Variants in DCDC2C observed in about 807,000 individuals in gnomAD.
DCDC2C encodes doublecortin domain-containing protein 2C.
In DCDC2C, 44 loss-of-function variants were observed where a neutral mutation model predicts 45.0. The observed-to-expected ratio is 0.98, with a 90% CI of 0.77 to 1.26. DCDC2C has a LOEUF of 1.26. DCDC2C is among the 50% of genes most tolerant of loss of function. The probability of loss-of-function intolerance (pLI) is 0.00; values close to 1 mark genes in which losing one functional copy is unlikely to be tolerated. For synonymous variants in DCDC2C, 187 were observed against 178.8 expected, an observed-to-expected ratio of 1.05 and a Z score of -0.37; for missense variants, 447 against 468.9, an observed-to-expected ratio of 0.95 and a Z score of 0.43.
chr2:3,733,565 G>A (rs1668935362), intron 3 of DCDC2C, among the ~76,000 whole-genome samples: 1 of 152,180 alleles, frequency 6.6e-6, no homozygotes, highest in Admixed American at 6.5e-5. Context: ...CCACAGTTCT[G>A]GAGGCTGGGA....
At chr2:3,776,568 C>G (rs1196705252) in intron 8 of DCDC2C, among the ~76,000 whole-genome samples, 2 of 152,182 alleles carry the variant, frequency 1.3e-5, no homozygotes, top group Non-Finnish European at 2.9e-5. Context: ...TTCCCTTTTC[C>G]CTCTGGCCGC....
chr2:3,708,513 C>T, intron 1 of DCDC2C, 36 bp from the exon 2 acceptor site: 1 of 1,476,748 alleles, frequency 6.8e-7, no homozygotes, highest in Non-Finnish European at 9.2e-7. Flanking sequence ...TAAATATCTT[C>T]CTTCTAATGA....
At chr2:3,825,288 G>C (rs1671786529) in intron 10 of DCDC2C, among the ~76,000 whole-genome samples, 1 of 152,162 alleles carries the variant, frequency 6.6e-6, no homozygotes, top group East Asian at 1.9e-4. Context: ...AATCTTCTTA[G>C]GCCTTTCTTT....
chr2:3,725,476 C>CTGGAGGGAGACGAG (rs1346763164), intron 2 of DCDC2C, among the ~76,000 whole-genome samples: 3 of 99,890 alleles, frequency 3.0e-5, no homozygotes, highest in East Asian at 3.0e-4. Flanking sequence ...CCGGTGGATC[C>CTGGAGGGAGACGAG]CAGAGGAAGA....
intron 8 of DCDC2C, among the ~76,000 whole-genome samples, chr2:3,776,956 G>A (rs866341993): frequency 2.0e-5 from 3 of 152,132 alleles, no homozygotes; most frequent in Non-Finnish European, 4.4e-5. Flanking sequence ...GATCATCTTG[G>A]ACTCTGTAGT....
At chr2:3,770,577 A>T (rs1290395416) in intron 8 of DCDC2C, among the ~76,000 whole-genome samples, 1 of 152,196 alleles carries the variant, frequency 6.6e-6, no homozygotes, top group Non-Finnish European at 1.5e-5. Context: ...ATCCAAACTA[A>T]CAGTTAAAAT....
intron 10 of DCDC2C, among the ~76,000 whole-genome samples, chr2:3,789,368 T>C (rs1670746191): frequency 1.3e-5 from 2 of 152,300 alleles, no homozygotes; most frequent in South Asian, 2.1e-4. Flanking sequence ...CAGTAAATAG[T>C]ACCAATTCTC....
chr2:3,744,796 G>A (rs942591651), intron 4 of DCDC2C, among the ~76,000 whole-genome samples: 4 of 152,202 alleles, frequency 2.6e-5, no homozygotes, highest in African/African-American at 7.2e-5. Flanking sequence ...GAGTAACCTC[G>A]TGGCAGTGGC....
At chr2:3,723,387 T>C (rs543569403) in intron 2 of DCDC2C, among the ~76,000 whole-genome samples, 1 of 152,304 alleles carries the variant, frequency 6.6e-6, no homozygotes, top group African/African-American at 2.4e-5. Flanking sequence ...CGAAGTGACT[T>C]CTTAAAGTAA....
chr2:3,802,092 T>G (rs1305669327), intron 10 of DCDC2C, among the ~76,000 whole-genome samples: 1 of 152,226 alleles, frequency 6.6e-6, no homozygotes, highest in Non-Finnish European at 1.5e-5. Flanking sequence ...TGTGTGGAGA[T>G]GAAGTGAGTG....
intron 2 of DCDC2C, among the ~76,000 whole-genome samples, chr2:3,720,899 C>T (rs948794575): frequency 6.6e-6 from 1 of 152,096 alleles, no homozygotes; most frequent in Non-Finnish European, 1.5e-5. Flanking sequence ...CTAGCGTTGT[C>T]TTTGTGTGAA....
chr2:3,805,900 G>C (rs528830348), intron 10 of DCDC2C, among the ~76,000 whole-genome samples: 10 of 152,078 alleles, frequency 6.6e-5, no homozygotes, highest in Admixed American at 3.3e-4. Flanking sequence ...TTTGAGACAG[G>C]GTCTTGCTCT....
At chr2:3,780,369 A>G (rs1006441641) in intron 9 of DCDC2C, among the ~76,000 whole-genome samples, 1 of 152,176 alleles carries the variant, frequency 6.6e-6, no homozygotes, top group East Asian at 1.9e-4. Context: ...TGGCGGTTGA[A>G]TTTGTCATCT....
chr2:3,744,966 A>G (rs1184926555), intron 4 of DCDC2C, among the ~76,000 whole-genome samples: 1 of 152,092 alleles, frequency 6.6e-6, no homozygotes, highest in Non-Finnish European at 1.5e-5. Flanking sequence ...GCTAGAAATG[A>G]TAGTGGAAGA....
chr2:3,789,480 C>A (rs1670749707), intron 10 of DCDC2C, among the ~76,000 whole-genome samples: 1 of 152,230 alleles, frequency 6.6e-6, no homozygotes, highest in South Asian at 2.1e-4. Flanking sequence ...TCACCTGTCT[C>A]AAGAAACAAT....
At chr2:3,759,287 T>C (rs748881512) in intron 6 of DCDC2C, among the ~76,000 whole-genome samples, 4 of 152,238 alleles carry the variant, frequency 2.6e-5, no homozygotes, top group Non-Finnish European at 4.4e-5. Flanking sequence ...TTTTTCTTTA[T>C]GTACAAGCAT....
At chr2:3,725,623 C>CAG (rs1318382042) in intron 2 of DCDC2C, among the ~76,000 whole-genome samples, 1 of 141,584 alleles carries the variant, frequency 7.1e-6, no homozygotes, top group Non-Finnish European at 1.5e-5. Flanking sequence ...GGGAGACCGC[C>CAG]AGAGTGACGA....
intron 10 of DCDC2C, among the ~76,000 whole-genome samples, chr2:3,824,262 G>A (rs1430244103): frequency 4.2e-5 from 4 of 96,186 alleles, no homozygotes; most frequent in Non-Finnish European, 6.1e-5. Context: ...GATATCATAT[G>A]TAGCAGGGAT....
At chr2:3,813,068 T>TATATATATA (rs1491343444) in intron 10 of DCDC2C, among the ~76,000 whole-genome samples, 1,391 of 51,526 alleles carry the variant, frequency 0.027, 48 homozygotes, top group East Asian at 0.052. Flanking sequence ...TATATATATA[T>TATATATATA]TTTTTTTTTT....
Sources: allele counts gnomAD v4.1 joint callset (sites outside exome capture counted in the v4.1 genomes callset), GRCh38; gene constraint gnomAD v4.1.1; transcripts MANE v1.5; gene names NCBI Gene and HGNC (gene_info 2026-07-23, HGNC 2026-07-21).